Variants in GINS4 observed in about 807,000 individuals in gnomAD.
GINS4 encodes GINS complex subunit 4.
A neutral mutation model predicts 31.1 loss-of-function variants in GINS4; 20 were observed. That is an observed-to-expected ratio of 0.64 (90% CI 0.45 to 0.93). The LOEUF is 0.93. Ranked by LOEUF, GINS4 falls within the 40% of genes least tolerant of loss-of-function variation. The pLI, the probability that GINS4 is intolerant of heterozygous loss-of-function variation, is 0.00. For synonymous variants in GINS4, 85 were observed against 97.9 expected (o/e 0.87, Z 0.78); for missense variants, 245 against 273.9 (o/e 0.89, Z 0.75).
intron 2 of GINS4, chr8:41,534,173 C>A: frequency 3.3e-6 from 1 of 301,228 alleles, no homozygotes; most frequent in Non-Finnish European, 6.8e-6. Context: ...GAGGCTAATG[C>A]AGGGGGATGT....
Position 41,544,767 on chromosome 8 carries a change from G to A in GINS4, c.*2680G>A, listed in dbSNP as rs1394427345. Reference sequence around the variant, plus strand: ...TTTGCAAATTAAAAAAAAAAAAGATGTAGGTTCTGAAACAGGGTGAGGTCC... The same window carrying A: ...TTTGCAAATTAAAAAAAAAAAAGATATAGGTTCTGAAACAGGGTGAGGTCC... On this transcript the variant is annotated 3_prime_UTR_variant, in exon 8 of 8. Transcript: ENST00000276533. 6.6e-6 allele frequency: 1 copy of A among 151,266 alleles called. No homozygotes were observed. Among genetic ancestry groups the A allele is most frequent in the Non-Finnish European group, 1.5e-5 (1 of 67,900 alleles). 9.4% of individuals were successfully genotyped at this position (151,266 alleles called of 1,614,324 possible).
intron 4 of GINS4, among the ~76,000 whole-genome samples, chr8:41,538,628 T>G (rs1428601148): frequency 6.6e-6 from 1 of 152,166 alleles, no homozygotes; most frequent in African/African-American, 2.4e-5. Flanking sequence ...TGTCTCTGGA[T>G]GCTGATCTTG....
rs1806855494 is a variant in GINS4, at chr8:41,542,230, ATAAT to A, written c.*146_*149del. On this transcript the variant is annotated 3_prime_UTR_variant, in exon 8 of 8. Transcript: ENST00000276533. ...ACCCCATCTTTACTAAAAATACAAA[ATAAT>A]TAGCCGGGTGTTGGTGGTGTGCACC... 3.1e-6 allele frequency: 2 copies of A among 654,434 alleles called. No individual in the cohort carries two copies. The highest frequency in any genetic ancestry group is 5.5e-6 in the Non-Finnish European group (2 of 362,272). 40.5% of individuals were successfully genotyped at this position (654,434 alleles called of 1,614,324 possible).
chr8:41,535,484 A>G (rs1806726934), intron 2 of GINS4, among the ~76,000 whole-genome samples: 1 of 152,204 alleles, frequency 6.6e-6, no homozygotes, highest in South Asian at 2.1e-4. Flanking sequence ...GGACTGTTAC[A>G]GATGCTCAGG....
intron 4 of GINS4, among the ~76,000 whole-genome samples, chr8:41,539,002 A>AT (rs751983612): frequency 2.0e-5 from 3 of 150,376 alleles, no homozygotes; most frequent in Non-Finnish European, 3.0e-5. Context: ...CCTGGCCCAC[A>AT]TAAGGTTTTT....
chr8:41,531,368 GCTAT>G (rs1003440297), intron 2 of GINS4, among the ~76,000 whole-genome samples: 1 of 152,174 alleles, frequency 6.6e-6, no homozygotes, highest in African/African-American at 2.4e-5. Flanking sequence ...CACTCAGCAT[GCTAT>G]CTGACACATG....
chr8:41,535,135 C>A (rs1175300531), intron 2 of GINS4, among the ~76,000 whole-genome samples: 1 of 152,000 alleles, frequency 6.6e-6, no homozygotes, highest in Non-Finnish European at 1.5e-5. Context: ...GTCAGGAGTT[C>A]AAGACCAGCC....
chr8:41,540,934 A>T (rs1003978526), intron 6 of GINS4, among the ~76,000 whole-genome samples: 1 of 152,060 alleles, frequency 6.6e-6, no homozygotes, highest in Non-Finnish European at 1.5e-5. Context: ...TTCCTCATAG[A>T]TGGCGCCTTC....
intron 2 of GINS4, among the ~76,000 whole-genome samples, chr8:41,531,418 G>T (rs184681058): frequency 2.8e-4 from 42 of 152,320 alleles, no homozygotes; most frequent in Admixed American, 1.2e-3. Flanking sequence ...TTCATAGTAA[G>T]TATCCTTATC....
At position 41,543,239 on chromosome 8, in the gene GINS4, T is replaced by C. The variant is rs990014654; in HGVS notation, c.*1152T>C. 2.6e-5 allele frequency: 4 copies of C among 152,182 alleles called. No individual in the cohort carries two copies. The highest frequency in any genetic ancestry group is 9.7e-5 in the African/African-American group (4 of 41,440). The allele number at this position is 152,182 out of a possible 1,614,324, so 9.4% of individuals were successfully genotyped here. Reference sequence around the variant, plus strand: ...CAATAAACCATTATTAAATTTCCATTCTGCAGCAGAAGGCACCTCTGGACG... The same window carrying C: ...CAATAAACCATTATTAAATTTCCATCCTGCAGCAGAAGGCACCTCTGGACG... On this transcript the variant is annotated 3_prime_UTR_variant, in exon 8 of 8. Coordinates refer to ENST00000276533, the MANE Select transcript of GINS4 (RefSeq NM_032336.3).
At chr8:41,537,022 G>T in intron 3 of GINS4, 158 bp from the exon 4 acceptor site, 1 of 588,786 alleles carries the variant, frequency 1.7e-6, no homozygotes, top group Non-Finnish European at 3.1e-6. Context: ...TTTTCTAAAA[G>T]TAAATGACTA....
intron 6 of GINS4, chr8:41,540,444 G>A (rs72638924): frequency 5.0e-6 from 1 of 199,488 alleles, no homozygotes; most frequent in Non-Finnish European, 1.0e-5. Flanking sequence ...CAGGAGGCTA[G>A]GGAGACCTCC....
intron 4 of GINS4, among the ~76,000 whole-genome samples, chr8:41,538,514 A>G (rs889755379): frequency 6.6e-6 from 1 of 152,116 alleles, no homozygotes; most frequent in African/African-American, 2.4e-5. Flanking sequence ...TACCCCATCC[A>G]GTCACTGTCC....
chr8:41,539,797 G>A (rs775623850), intron 5 of GINS4, 22 bp downstream of exon 5: 20 of 1,602,998 alleles, frequency 1.2e-5, no homozygotes, highest in East Asian at 2.2e-5. Flanking sequence ...AGCCGTTGGC[G>A]TGGGGCACCT....
intron 2 of GINS4, among the ~76,000 whole-genome samples, chr8:41,533,906 G>T (rs573879505): frequency 3.9e-4 from 60 of 152,130 alleles, no homozygotes; most frequent in Non-Finnish European, 7.6e-4. Context: ...TCTCGTGTGT[G>T]TCTGTGTTAA....
intron 1 of GINS4, chr8:41,529,926 T>C: frequency 2.9e-6 from 1 of 341,140 alleles, no homozygotes; most frequent in East Asian, 5.9e-5. Context: ...ATAGTGATTG[T>C]ATGGTGTGAT....
chr8:41,530,354 C>G, intron 2 of GINS4, 56 bp downstream of exon 2: 1 of 1,233,954 alleles, frequency 8.1e-7, no homozygotes, highest in Non-Finnish European at 1.2e-6. Context: ...TTTAGTTCAA[C>G]TGTGAATATC....
intron 4 of GINS4, chr8:41,537,757 C>T (rs1806767032): frequency 6.5e-6 from 1 of 153,392 alleles, no homozygotes; most frequent in Non-Finnish European, 1.4e-5. Context: ...CGTGGTGGCT[C>T]ACACCTGTAA....
At position 41,537,278 on chromosome 8, in the gene GINS4, G is replaced by A. The variant is rs1316796105; in HGVS notation, c.282G>A (p.Arg94=). The change falls in exon 4 of 8, where the codon CGG becomes CGA. Residue 94 remains arginine, a synonymous_variant. Transcript: ENST00000276533. ...RIRYVLSSYL[R]CRLMKIEKFF... is the part of the protein sequence containing the mutation. ...GCTACGTCCTCAGCAGCTACTTGCG[G>A]TGTCGCCTCATGAAGGTTTGACGTG... 1.9e-6 allele frequency: 3 copies of A among 1,612,240 alleles called. No homozygotes were observed. Among genetic ancestry groups the A allele is most frequent in the Admixed American group, 3.3e-5 (2 of 59,980 alleles).
Sources: allele counts gnomAD v4.1 joint callset (sites outside exome capture counted in the v4.1 genomes callset), GRCh38; gene constraint gnomAD v4.1.1; transcripts MANE v1.5; gene names NCBI Gene and HGNC (gene_info 2026-07-23, HGNC 2026-07-21).